The following FOXN3 variants were observed in gnomAD, a reference collection of about 807,000 sequenced individuals.
The protein encoded by FOXN3 is forkhead box protein N3.
FOXN3 carries 7 observed loss-of-function variants against 38.4 expected under a neutral mutation model. That is an observed-to-expected ratio of 0.18 (90% CI 0.10 to 0.34). FOXN3 has a LOEUF of 0.34. Among genes scored for constraint, FOXN3 ranks in the 10% least tolerant of loss-of-function variants. FOXN3 has a pLI of 1.00. For missense variants in FOXN3, 456 were observed against 613.4 expected, an observed-to-expected ratio of 0.74 and a Z score of 2.71; for synonymous variants, 230 against 242.2, an observed-to-expected ratio of 0.95 and a Z score of 0.47.
intron 3 of FOXN3, among the ~76,000 whole-genome samples, chr14:89,332,581 G>A (rs1479559577): frequency 2.0e-5 from 3 of 152,134 alleles, no homozygotes; most frequent in African/African-American, 7.2e-5. Flanking sequence ...TTAATTCAAT[G>A]TTAAGACTTG....
intron 4 of FOXN3, among the ~76,000 whole-genome samples, chr14:89,273,189 T>C (rs1003941554): frequency 2.0e-5 from 3 of 152,234 alleles, no homozygotes; most frequent in Non-Finnish European, 2.9e-5. Flanking sequence ...TCTATGCCCA[T>C]AACCTATGCC....
chr14:89,576,403 C>A (rs1489280949), intron 1 of FOXN3: 1 of 152,060 alleles, frequency 6.6e-6, no homozygotes, highest in Non-Finnish European at 1.5e-5. Flanking sequence ...AATGGTGCTC[C>A]TGTGAAGGGA....
chr14:89,358,618 G>A (rs966824320), intron 2 of FOXN3, among the ~76,000 whole-genome samples: 1 of 152,122 alleles, frequency 6.6e-6, no homozygotes, highest in Non-Finnish European at 1.5e-5. Flanking sequence ...TCATCCCAAA[G>A]GCCCATCATT....
intron 1 of FOXN3, among the ~76,000 whole-genome samples, chr14:89,415,884 C>CACACACACACACACACACACACACACACA (rs1566647933): frequency 3.2e-5 from 3 of 93,262 alleles, no homozygotes; most frequent in African/African-American, 1.1e-4. Context: ...ACACACACAC[C>CACACACACACACACACACACACACACACA]CTCTTTTGTT....
chr14:89,469,798 G>A (rs1158554131), intron 1 of FOXN3, among the ~76,000 whole-genome samples: 1 of 152,232 alleles, frequency 6.6e-6, no homozygotes, highest in African/African-American at 2.4e-5. Flanking sequence ...TTCATCCGAA[G>A]GAGAGAAAAG....
chr14:89,503,373 T>TA (rs1286452583), intron 1 of FOXN3, among the ~76,000 whole-genome samples: 3 of 152,178 alleles, frequency 2.0e-5, no homozygotes, highest in South Asian at 4.1e-4. Flanking sequence ...CATTTATTTT[T>TA]AAAAAAACAT....
chr14:89,332,362 A>G (rs1888275413), intron 3 of FOXN3, among the ~76,000 whole-genome samples: 1 of 152,136 alleles, frequency 6.6e-6, no homozygotes, highest in South Asian at 2.1e-4. Context: ...GCTCACAACA[A>G]AAGTGAGCAA....
intron 4 of FOXN3, among the ~76,000 whole-genome samples, chr14:89,219,813 T>C (rs986815326): frequency 6.6e-6 from 1 of 152,184 alleles, no homozygotes; most frequent in Non-Finnish European, 1.5e-5. Context: ...GCTGTGTTGG[T>C]TGGATATTCC....
intron 4 of FOXN3, among the ~76,000 whole-genome samples, chr14:89,202,075 C>T (rs958013244): frequency 7.2e-5 from 11 of 152,214 alleles, no homozygotes; most frequent in Admixed American, 2.0e-4. Context: ...GTAAATACCA[C>T]GCAGAACCCT....
chr14:89,314,039 T>C (rs1887652919), intron 3 of FOXN3, among the ~76,000 whole-genome samples: 1 of 152,172 alleles, frequency 6.6e-6, no homozygotes, highest in Non-Finnish European at 1.5e-5. Flanking sequence ...TAGAGATTGG[T>C]TGCACAACAG....
intron 1 of FOXN3, among the ~76,000 whole-genome samples, chr14:89,492,455 A>G (rs17125928): frequency 0.067 from 10,202 of 152,178 alleles, 1,030 homozygotes; most frequent in African/African-American, 0.22. Flanking sequence ...ACCATTAAAA[A>G]GTTTCCCAAG....
intron 1 of FOXN3, among the ~76,000 whole-genome samples, chr14:89,570,125 G>A (rs1432827609): frequency 6.6e-6 from 1 of 151,384 alleles, no homozygotes; most frequent in East Asian, 1.9e-4. Context: ...CCCAGCCTCC[G>A]AGTAGCTGGA....
At chr14:89,165,040 C>A (rs1887204846) in intron 5 of FOXN3, among the ~76,000 whole-genome samples, 1 of 152,196 alleles carries the variant, frequency 6.6e-6, no homozygotes, top group Admixed American at 6.5e-5. Context: ...ATTATCAAAA[C>A]TCAGCCTTTG....
chr14:89,511,140 CTTTT>C (rs1894050644), intron 1 of FOXN3, among the ~76,000 whole-genome samples: 1 of 42,594 alleles, frequency 2.3e-5, no homozygotes, highest in African/African-American at 8.2e-5. Context: ...TTCTTTCTTT[CTTTT>C]CTTTCTTTCT....
chr14:89,319,765 C>A (rs1165049678), intron 3 of FOXN3, among the ~76,000 whole-genome samples: 1 of 152,140 alleles, frequency 6.6e-6, no homozygotes, highest in South Asian at 2.1e-4. Context: ...ATGTCTTACA[C>A]GCAACATCCA....
At chr14:89,494,121 T>C (rs1893634270) in intron 1 of FOXN3, 1 of 152,210 alleles carries the variant, frequency 6.6e-6, no homozygotes, top group Non-Finnish European at 1.5e-5. Context: ...TAAATTCTTT[T>C]ACACTTACTT....
rs73319277 is a variant in FOXN3, at chr14:89,163,598, T to C, written c.852-629A>G. ...TCGGATATAGACACTGCCACAGCGA[T>C]GTTGCAGCCTAACAGAGAGGCAAGC... On this transcript the variant is annotated intron_variant, in intron 5 of 5. Coordinates refer to ENST00000557258, the MANE Select transcript of FOXN3 (RefSeq NM_005197.4). The surrounding 1 kb of genome is among the most constrained non-coding windows in gnomAD (Gnocchi z 4.3). Among the ~76,000 whole-genome samples, 2,069 of 152,222 alleles carry C rather than the reference T, an allele frequency of 0.014. 40 individuals carry two copies. Among genetic ancestry groups the C allele is most frequent in the African/African-American group, 0.047 (1,969 of 41,530 alleles).
At chr14:89,345,193 G>C (rs1303523268) in intron 3 of FOXN3, among the ~76,000 whole-genome samples, 1 of 152,132 alleles carries the variant, frequency 6.6e-6, no homozygotes, top group Non-Finnish European at 1.5e-5. Context: ...TGGCTCAGCA[G>C]ATCTTCCAGA....
chr14:89,433,860 C>A (rs549071690), intron 1 of FOXN3, among the ~76,000 whole-genome samples: 3 of 149,758 alleles, frequency 2.0e-5, no homozygotes, highest in Admixed American at 1.3e-4. Context: ...AATGGACAAA[C>A]GTCTAAAAAT....
Sources: gnomAD v4.1 joint callset for allele counts (sites outside exome capture counted in the v4.1 genomes callset) on GRCh38, gnomAD v4.1.1 for gene constraint, Gnocchi (gnomAD v3.1) non-coding constraint, MANE v1.5 for transcripts, NCBI Gene and HGNC (gene_info 2026-07-23, HGNC 2026-07-21) for gene names.